The following ACTR3B variants were observed in gnomAD, a reference collection of about 807,000 sequenced individuals.
The protein encoded by ACTR3B is actin-related protein 3B.
In ACTR3B, 8 loss-of-function variants were observed where a neutral mutation model predicts 59.0. That is an observed-to-expected ratio of 0.14 (90% CI 0.08 to 0.24). The LOEUF (loss-of-function observed/expected upper bound fraction) is 0.24, where lower values mean the gene tolerates loss of function less well. Among genes scored for constraint, ACTR3B ranks in the 10% least tolerant of loss-of-function variants. The probability of loss-of-function intolerance (pLI) is 1.00; values close to 1 mark genes in which losing one functional copy is unlikely to be tolerated. For missense variants in ACTR3B, 245 were observed against 552.3 expected, an observed-to-expected ratio of 0.44 and a Z score of 5.58; for synonymous variants, 148 against 197.9, an observed-to-expected ratio of 0.75 and a Z score of 2.12.
intron 3 of ACTR3B, 41 bp from the exon 4 acceptor site, chr7:152,801,580 T>G: frequency 1.3e-6 from 2 of 1,534,074 alleles, no homozygotes; most frequent in Non-Finnish European, 1.8e-6. Flanking sequence ...CTCTTATTGT[T>G]GCGAACTGAG....
chr7:152,775,610 TTA>T (rs2098134469), intron 1 of ACTR3B, among the ~76,000 whole-genome samples: 1 of 151,816 alleles, frequency 6.6e-6, no homozygotes, highest in Non-Finnish European at 1.5e-5. Context: ...AAATACAAAA[TTA>T]GCTGGGCGTG....
chr7:152,789,890 G>A (rs2098188955), intron 2 of ACTR3B, among the ~76,000 whole-genome samples: 1 of 150,916 alleles, frequency 6.6e-6, no homozygotes, highest in South Asian at 2.1e-4. Flanking sequence ...TTTAATCTGA[G>A]GGTTTTTTTT....
chr7:152,852,521 C>T (rs988046124), intron 10 of ACTR3B, among the ~76,000 whole-genome samples: 1 of 152,094 alleles, frequency 6.6e-6, no homozygotes, highest in South Asian at 2.1e-4. Flanking sequence ...CCTTTTGTGT[C>T]GTAAGAGATC....
chr7:152,838,830 C>T (rs1797666405), intron 9 of ACTR3B, among the ~76,000 whole-genome samples: 1 of 152,164 alleles, frequency 6.6e-6, no homozygotes, highest in African/African-American at 2.4e-5. Flanking sequence ...CACTTCACTG[C>T]TTCAGAGTCT....
chr7:152,789,474 C>T (rs967311474), intron 2 of ACTR3B, among the ~76,000 whole-genome samples: 6 of 150,848 alleles, frequency 4.0e-5, no homozygotes, highest in South Asian at 4.2e-4. Context: ...TCGTTGCTGT[C>T]GTCAAAATAT....
intron 9 of ACTR3B, among the ~76,000 whole-genome samples, chr7:152,838,991 G>A (rs979907475): frequency 1.4e-4 from 21 of 151,868 alleles, no homozygotes; most frequent in Admixed American, 3.3e-4. Context: ...AAGATGACCG[G>A]TGAGAAATGG....
chr7:152,767,956 A>C (rs2098114970), intron 1 of ACTR3B, among the ~76,000 whole-genome samples: 1 of 152,234 alleles, frequency 6.6e-6, no homozygotes, highest in African/African-American at 2.4e-5. Flanking sequence ...GCAGTGGCTC[A>C]CACCTGTAAT....
At chr7:152,814,275 G>A in intron 4 of ACTR3B, 1 of 364,526 alleles carries the variant, frequency 2.7e-6, no homozygotes, top group South Asian at 2.7e-5. Flanking sequence ...TAGGTGTTAC[G>A]TTATTGAAGA....
intron 2 of ACTR3B, among the ~76,000 whole-genome samples, chr7:152,794,034 A>G (rs1295728628): frequency 2.6e-5 from 4 of 151,998 alleles, no homozygotes; most frequent in East Asian, 3.9e-4. Context: ...AGATTTCTCC[A>G]TTGTGTTCAT....
At chr7:152,764,940 C>A (rs1439856827) in intron 1 of ACTR3B, among the ~76,000 whole-genome samples, 2 of 152,112 alleles carry the variant, frequency 1.3e-5, no homozygotes, top group South Asian at 2.1e-4. Context: ...GAATACCACA[C>A]ACCGGGTAAT....
chr7:152,841,867 G>A (rs1013778727), intron 9 of ACTR3B, among the ~76,000 whole-genome samples: 2 of 152,134 alleles, frequency 1.3e-5, no homozygotes, highest in African/African-American at 4.8e-5. Flanking sequence ...TTGGTATTAT[G>A]TTGCTCTGTT....
chr7:152,766,220 C>T (rs974271317), intron 1 of ACTR3B, among the ~76,000 whole-genome samples: 1 of 152,142 alleles, frequency 6.6e-6, no homozygotes, highest in African/African-American at 2.4e-5. Context: ...GGCAAGCTTC[C>T]CGAGTCCTCA....
At chr7:152,852,369 C>G in intron 10 of ACTR3B, 118 bp downstream of exon 10, 1 of 1,289,912 alleles carries the variant, frequency 7.8e-7, no homozygotes, top group African/African-American at 1.5e-5. Flanking sequence ...AACAAGTGTT[C>G]ATCGCTTTCT....
chr7:152,763,401 G>GT (rs1231369858), intron 1 of ACTR3B, among the ~76,000 whole-genome samples: 1 of 147,404 alleles, frequency 6.8e-6, no homozygotes, highest in African/African-American at 2.5e-5. Context: ...TCATCCATTA[G>GT]TTTAAGTATC....
chr7:152,853,106 C>A (rs1033914913), intron 10 of ACTR3B, among the ~76,000 whole-genome samples: 1 of 151,242 alleles, frequency 6.6e-6, no homozygotes, highest in African/African-American at 2.4e-5. Context: ...AGCACAGTTT[C>A]TTTTATTATT....
chr7:152,829,599 TCAGC>T, intron 9 of ACTR3B, among the ~76,000 whole-genome samples: 1 of 152,120 alleles, frequency 6.6e-6, no homozygotes, highest in South Asian at 2.1e-4. Flanking sequence ...CAGGTGAAAA[TCAGC>T]CTGGGCCCAC....
Position 152,850,190 on chromosome 7 carries a change from C to T in ACTR3B, c.952-1936C>T, listed in dbSNP as rs115775599. On this transcript the variant is annotated intron_variant, in intron 9 of 11. Coordinates refer to ENST00000256001, the MANE Select transcript of ACTR3B (RefSeq NM_020445.6). ...CTTCTCCAGGTGGAAGACCAGATCA[C>T]TGGTGGCTTCTCCAGGTAGAAGTTC... Among the ~76,000 whole-genome samples, 945 of 151,102 alleles carry T rather than the reference C, an allele frequency of 6.3e-3. 15 individuals carry two copies. Among genetic ancestry groups the T allele is most frequent in the African/African-American group, 0.021 (873 of 40,936 alleles).
chr7:152,835,763 C>T (rs1450934377), intron 9 of ACTR3B, among the ~76,000 whole-genome samples: 1 of 152,158 alleles, frequency 6.6e-6, no homozygotes, highest in East Asian at 1.9e-4. Context: ...TTATTTTTTT[C>T]TCCATAACAT....
At chr7:152,777,151 C>T (rs1291829124) in intron 1 of ACTR3B, among the ~76,000 whole-genome samples, 2 of 152,126 alleles carry the variant, frequency 1.3e-5, no homozygotes, top group Non-Finnish European at 2.9e-5. Context: ...TTTATAATGG[C>T]TCTTTAACCC....
Sources: allele counts gnomAD v4.1 joint callset (sites outside exome capture counted in the v4.1 genomes callset), GRCh38; gene constraint gnomAD v4.1.1; transcripts MANE v1.5; gene names NCBI Gene and HGNC (gene_info 2026-07-23, HGNC 2026-07-21).